The following ARHGAP5 variants were observed in gnomAD, a reference collection of about 807,000 sequenced individuals.
The protein encoded by ARHGAP5 is rho GTPase-activating protein 5.
Under a neutral mutation model 116.6 loss-of-function variants are expected in ARHGAP5, and 23 were observed. The ratio of observed to expected loss-of-function variants is 0.20; its 90% CI spans 0.14 to 0.28. The LOEUF (loss-of-function observed/expected upper bound fraction) is 0.28, where lower values mean the gene tolerates loss of function less well. Ranked by LOEUF, ARHGAP5 falls within the 10% of genes least tolerant of loss-of-function variation. The pLI is 1.00. For synonymous variants in ARHGAP5, 574 were observed against 602.0 expected (o/e 0.95, Z 0.68); for missense variants, 1,405 against 1,774.8 (o/e 0.79, Z 3.74).
chr14:32,126,589 G>T (rs919479817), intron 3 of ARHGAP5, among the ~76,000 whole-genome samples: 2 of 152,114 alleles, frequency 1.3e-5, no homozygotes, highest in African/African-American at 4.8e-5. Context: ...GGTATTGGGG[G>T]TTAAGACTTC....
intron 4 of ARHGAP5, among the ~76,000 whole-genome samples, chr14:32,147,783 G>A (rs922326618): frequency 2.0e-5 from 3 of 151,822 alleles, no homozygotes; most frequent in Admixed American, 6.6e-5. Flanking sequence ...ATTGAGTGGC[G>A]TGTGTGTGTG....
intron 3 of ARHGAP5, among the ~76,000 whole-genome samples, chr14:32,133,488 C>G (rs559999096): frequency 2.2e-4 from 33 of 152,142 alleles, no homozygotes; most frequent in African/African-American, 8.0e-4. Context: ...TGGGCTGAGA[C>G]AATGGGGTTT....
intron 6 of ARHGAP5, among the ~76,000 whole-genome samples, chr14:32,153,540 T>G (rs1284757768): frequency 7.5e-6 from 1 of 134,144 alleles, no homozygotes; most frequent in East Asian, 2.7e-4. Flanking sequence ...TGGCATGATC[T>G]CAGCTCACTG....
At chr14:32,107,017 T>C (rs912580040) in intron 2 of ARHGAP5, among the ~76,000 whole-genome samples, 1 of 152,200 alleles carries the variant, frequency 6.6e-6, no homozygotes, top group African/African-American at 2.4e-5. Context: ...GTCTTAAATT[T>C]AGTTATTTTG....
At chr14:32,131,160 C>G (rs1271338154) in intron 3 of ARHGAP5, among the ~76,000 whole-genome samples, 1 of 151,912 alleles carries the variant, frequency 6.6e-6, no homozygotes. Context: ...TCAAATTCTC[C>G]CAGTTGTCTC....
intron 1 of ARHGAP5, among the ~76,000 whole-genome samples, chr14:32,081,982 T>C (rs922867168): frequency 3.3e-5 from 5 of 152,198 alleles, no homozygotes; most frequent in Non-Finnish European, 7.3e-5. Context: ...GGGATGAAAC[T>C]GTTCCCCCTC....
intron 2 of ARHGAP5, among the ~76,000 whole-genome samples, chr14:32,098,242 G>GATAT (rs1235593437): frequency 1.3e-5 from 2 of 152,138 alleles, no homozygotes; most frequent in Non-Finnish European, 2.9e-5. Context: ...GTGTGTTACT[G>GATAT]GCACACAGAT....
chr14:32,094,675 T>G (rs1276834096), intron 2 of ARHGAP5, among the ~76,000 whole-genome samples: 1 of 152,188 alleles, frequency 6.6e-6, no homozygotes, highest in Non-Finnish European at 1.5e-5. Context: ...TTTTTCCATT[T>G]GTAATCATCC....
chr14:32,077,552 C>T (rs952558882), intron 1 of ARHGAP5, 117 bp downstream of exon 1: 1 of 567,616 alleles, frequency 1.8e-6, no homozygotes, highest in South Asian at 2.1e-5. Flanking sequence ...GTTGAAGGGG[C>T]TGGGGCCCCG....
intron 3 of ARHGAP5, among the ~76,000 whole-genome samples, chr14:32,143,157 A>G (rs1269841286): frequency 1.3e-5 from 2 of 152,098 alleles, no homozygotes; most frequent in African/African-American, 4.8e-5. Flanking sequence ...GACCTTTTCT[A>G]ATGAAAGGGA....
chr14:32,129,504 T>G (rs957248267), intron 3 of ARHGAP5, among the ~76,000 whole-genome samples: 1 of 152,242 alleles, frequency 6.6e-6, no homozygotes, highest in South Asian at 2.1e-4. Flanking sequence ...TGTATATTGG[T>G]CTAAAACTTG....
At chr14:32,132,956 G>T (rs1279738322) in intron 3 of ARHGAP5, among the ~76,000 whole-genome samples, 10 of 152,052 alleles carry the variant, frequency 6.6e-5, no homozygotes, top group Non-Finnish European at 1.2e-4. Context: ...TGTCTGTTTT[G>T]GTACCAGTAC....
intron 3 of ARHGAP5, among the ~76,000 whole-genome samples, chr14:32,131,571 GTTTTTGT>G (rs556959754): frequency 1.4e-3 from 218 of 151,936 alleles, no homozygotes; most frequent in African/African-American, 4.8e-3. Flanking sequence ...GTTTGTTTTT[GTTTTTGT>G]TTTTTGTTTT....
chr14:32,133,223 G>T (rs1344432626), intron 3 of ARHGAP5, among the ~76,000 whole-genome samples: 1 of 152,132 alleles, frequency 6.6e-6, no homozygotes, highest in Non-Finnish European at 1.5e-5. Flanking sequence ...CATGAGCATG[G>T]AATGTTCTTC....
rs1215131716 is a variant in ARHGAP5 at position 32,092,982 on chromosome 14, G to A, written c.2313G>A (p.Lys771=). 1 of 1,614,022 alleles carries A rather than the reference G, an allele frequency of 6.2e-7. No individual in the cohort carries two copies. The highest frequency in any genetic ancestry group is 8.5e-7 in the Non-Finnish European group (1 of 1,179,948). The change falls in exon 2 of 7, where the codon AAG becomes AAA. Residue 771 remains lysine (K), a synonymous_variant. Transcript: ENST00000345122. This position sits in a 1 kb window ranked among gnomAD's most constrained non-coding sequence, Gnocchi z 4.1. ...TGGTGAGCCCAATTCCTGCCAATAA[G>A]GACTTATCAGAAGCTGACTTGAGAA... ...LDVVSPIPAN[K]DLSEADLRIV... is the part of the protein sequence containing the mutation.
Position 32,091,987 on chromosome 14 carries a change from A to G in ARHGAP5, c.1318A>G (p.Lys440Glu), listed in dbSNP as rs759400131. Reference protein sequence around the residue: ...MKEKFKKTLEKIQFISPGQPW... With the variant: ...MKEKFKKTLEEIQFISPGQPW... ...GGAAAAATTCAAAAAGACTTTGGAA[A>G]AAATTCAATTCATTTCACCAGGGCA... Residue 440 changes from lysine (K) to glutamate (E), a missense_variant, in exon 2 of 7, where the codon AAA (lysine) becomes GAA (glutamate). Lys to Glu is a moderately conservative substitution (Grantham distance 56). This residue lies in a region of ARHGAP5 where 944 missense variants were observed against 1,095.3 expected (regional missense o/e 0.86). Coordinates refer to ENST00000345122, the MANE Select transcript of ARHGAP5 (RefSeq NM_001030055.2). 8 of 1,613,640 alleles carry G rather than the reference A, an allele frequency of 5.0e-6. No individual in the cohort carries two copies. Among genetic ancestry groups the G allele is most frequent in the Admixed American group, 1.7e-5 (1 of 59,982 alleles).
rs117967766 is a variant in ARHGAP5 at position 32,138,003 on chromosome 14, A to T, written c.3866-8260A>T. Among the ~76,000 whole-genome samples, 391 of 151,848 alleles carry T rather than the reference A, an allele frequency of 2.6e-3. 1 individual carries two copies. The highest frequency in any genetic ancestry group is 5.0e-3 in the Admixed American group (76 of 15,240). On this transcript the variant is annotated intron_variant, in intron 3 of 6. Transcript: ENST00000345122. ...AAAAAAAAAAAAAATTTCACCTTCCAATCCACAAACACAGGATATCTTTTA... is the reference window on the plus strand; with the variant it reads ...AAAAAAAAAAAAAATTTCACCTTCCTATCCACAAACACAGGATATCTTTTA...
Position 32,077,753 on chromosome 14 carries a change from C to G in ARHGAP5, c.-169+318C>G, listed in dbSNP as rs546449050. Among the ~76,000 whole-genome samples the G allele has an allele frequency of 6.0e-4, 91 of 151,928 alleles. 1 individual carries two copies. Among genetic ancestry groups the G allele is most frequent in the Non-Finnish European group, 1.2e-3 (80 of 67,952 alleles). ...GGGATCGCCGGCCCCGCCAGGCGTC[C>G]GCTCTCGCCCGCCGCCTCACTTGCT... On this transcript the variant is annotated intron_variant, in intron 1 of 6. Transcript: ENST00000345122.
At chr14:32,108,117 C>T (rs562990523) in intron 2 of ARHGAP5, among the ~76,000 whole-genome samples, 2 of 152,136 alleles carry the variant, frequency 1.3e-5, no homozygotes, top group East Asian at 1.9e-4. Context: ...AGTATCTGGT[C>T]GTGACAAGCG....
Sources: gnomAD v4.1 joint callset for allele counts (sites outside exome capture counted in the v4.1 genomes callset) on GRCh38, gnomAD v4.1.1 for gene constraint, gnomAD v4.1.1 regional missense constraint, Gnocchi (gnomAD v3.1) non-coding constraint, MANE v1.5 for transcripts, NCBI Gene and HGNC (gene_info 2026-07-23, HGNC 2026-07-21) for gene names.